Variants in ROBO1 observed in about 807,000 individuals in gnomAD.
ROBO1 encodes roundabout homolog 1.
ROBO1 carries 149 observed loss-of-function variants against 195.9 expected under a neutral mutation model. The observed-to-expected ratio is 0.76, with a 90% confidence interval of 0.67 to 0.87. The LOEUF (loss-of-function observed/expected upper bound fraction) is 0.87, where lower values mean the gene tolerates loss of function less well. ROBO1 is among the 40% of genes least tolerant of loss of function. ROBO1 has a pLI of 0.00. For missense variants in ROBO1, 1,933 were observed against 2,068.3 expected, an observed-to-expected ratio of 0.93 and a Z score of 1.27; for synonymous variants, 816 against 733.2, an observed-to-expected ratio of 1.11 and a Z score of -1.82.
intron 2 of ROBO1, among the ~76,000 whole-genome samples, chr3:79,375,173 C>A (rs148165574): frequency 3.9e-5 from 6 of 152,240 alleles, no homozygotes; most frequent in African/African-American, 1.4e-4. Context: ...GGAAAGATGC[C>A]TCTTATTTGG....
intron 3 of ROBO1, among the ~76,000 whole-genome samples, chr3:79,000,104 G>A (rs1261894603): frequency 6.6e-6 from 1 of 152,090 alleles, no homozygotes; most frequent in Non-Finnish European, 1.5e-5. Context: ...ATAAAGGAAA[G>A]AGGTTTAATG....
chr3:79,217,092 G>T (rs2082068387), intron 2 of ROBO1, among the ~76,000 whole-genome samples: 1 of 152,064 alleles, frequency 6.6e-6, no homozygotes, highest in African/African-American at 2.4e-5. Context: ...TCTGTGAATA[G>T]TCTGATTAAC....
At chr3:79,444,026 T>C (rs2039150417) in intron 2 of ROBO1, among the ~76,000 whole-genome samples, 1 of 152,024 alleles carries the variant, frequency 6.6e-6, no homozygotes, top group East Asian at 1.9e-4. Context: ...CAAAAATTTA[T>C]TTGACAGATT....
At chr3:78,657,932 C>A (rs939568649) in intron 17 of ROBO1, among the ~76,000 whole-genome samples, 39 of 152,224 alleles carry the variant, frequency 2.6e-4, no homozygotes, top group African/African-American at 9.4e-4. Flanking sequence ...CTCTGGTACA[C>A]TGAACTATAT....
intron 2 of ROBO1, among the ~76,000 whole-genome samples, chr3:79,295,498 G>T (rs1441059747): frequency 2.6e-5 from 4 of 152,078 alleles, no homozygotes; most frequent in Non-Finnish European, 5.9e-5. Flanking sequence ...CCTAAGGTAG[G>T]TGACGGGTTG....
At chr3:78,686,028 TAC>T in intron 9 of ROBO1, 111 bp from the exon 10 acceptor site, 3 of 862,678 alleles carry the variant, frequency 3.5e-6, no homozygotes, top group Non-Finnish European at 3.5e-6. Flanking sequence ...AAAGTATTCA[TAC>T]ACATATGCAT....
intron 3 of ROBO1, among the ~76,000 whole-genome samples, chr3:79,014,723 A>T (rs559804104): frequency 1.1e-3 from 171 of 152,274 alleles, no homozygotes; most frequent in African/African-American, 3.9e-3. Context: ...AAATTGAATG[A>T]TAACTTTGCT....
Position 78,928,553 on chromosome 3 carries a change from G to C in ROBO1, c.499+10048C>G, listed in dbSNP as rs139670115. On this transcript the variant is annotated intron_variant, in intron 4 of 30. Coordinates refer to ENST00000464233, the MANE Select transcript of ROBO1 (RefSeq NM_002941.4). ...GCTACTTTGCGTGATTTAAGCAAAA[G>C]TGACAAGCAGAGAGAAAAGCAAATA... 1.5e-3 allele frequency among the ~76,000 whole-genome samples: 223 copies of C among 152,288 alleles called. 4 individuals are homozygous for C. In the East Asian group the frequency reaches 0.034, roughly 23 times the overall value.
At chr3:79,410,322 G>A (rs2037715646) in intron 2 of ROBO1, among the ~76,000 whole-genome samples, 1 of 152,162 alleles carries the variant, frequency 6.6e-6, no homozygotes, top group Admixed American at 6.6e-5. Flanking sequence ...CAAGCACAAT[G>A]TGTGGGATAA....
chr3:79,381,380 AAAG>A (rs2036572007), intron 2 of ROBO1, among the ~76,000 whole-genome samples: 8 of 79,776 alleles, frequency 1.0e-4, no homozygotes, highest in South Asian at 3.7e-4. Flanking sequence ...AAAAAAAAGA[AAAG>A]AAAAGAAAAG....
intron 3 of ROBO1, among the ~76,000 whole-genome samples, chr3:78,984,005 T>C (rs1040950224): frequency 6.6e-6 from 1 of 152,200 alleles, no homozygotes; most frequent in East Asian, 1.9e-4. Flanking sequence ...TTCATGCTAT[T>C]CATGCATATT....
chr3:79,310,075 T>C (rs2033407901), intron 2 of ROBO1, among the ~76,000 whole-genome samples: 1 of 152,188 alleles, frequency 6.6e-6, no homozygotes. Context: ...ACAGGCCTTG[T>C]CTTAGGCCCT....
At chr3:79,481,745 G>C (rs1204522170) in intron 2 of ROBO1, among the ~76,000 whole-genome samples, 2 of 152,088 alleles carry the variant, frequency 1.3e-5, no homozygotes, top group African/African-American at 4.8e-5. Context: ...CTTGGACCTT[G>C]CTTTTAATCT....
intron 1 of ROBO1, among the ~76,000 whole-genome samples, chr3:79,766,999 C>A (rs1270937207): frequency 6.6e-6 from 1 of 152,094 alleles, no homozygotes; most frequent in Admixed American, 6.5e-5. Flanking sequence ...CCCTCAAAGT[C>A]CCCGCTGGCT....
rs531500108 is a variant in ROBO1, at chr3:78,708,794, T to C, written c.1045+5603A>G. 3.9e-5 allele frequency among the ~76,000 whole-genome samples: 6 copies of C among 152,286 alleles called. No individual in the cohort carries two copies. The East Asian group carries it at 1.2e-3, about 29-fold the overall frequency. On this transcript the variant is annotated intron_variant, in intron 8 of 30. Coordinates refer to ENST00000464233, the MANE Select transcript of ROBO1 (RefSeq NM_002941.4). Reference sequence around the variant, plus strand: ...AAATTGTTACAAATACTGTATGTAGTATATATCTTTTTGTCTTAAAAGATG... The same window carrying C: ...AAATTGTTACAAATACTGTATGTAGCATATATCTTTTTGTCTTAAAAGATG...
At chr3:78,902,876 C>A (rs1243038793) in intron 4 of ROBO1, among the ~76,000 whole-genome samples, 2 of 152,074 alleles carry the variant, frequency 1.3e-5, no homozygotes, top group African/African-American at 4.8e-5. Flanking sequence ...TAAACATATT[C>A]ATTGGCACTG....
chr3:78,917,959 G>A (rs187406496), intron 4 of ROBO1, among the ~76,000 whole-genome samples: 16 of 152,208 alleles, frequency 1.1e-4, no homozygotes, highest in East Asian at 5.8e-4. Flanking sequence ...AAGCTACTAC[G>A]ACACAGAACC....
intron 1 of ROBO1, among the ~76,000 whole-genome samples, chr3:79,615,213 C>G (rs1464558918): frequency 2.6e-5 from 4 of 152,142 alleles, no homozygotes; most frequent in African/African-American, 9.7e-5. Flanking sequence ...CATAATAAAC[C>G]TTTGCTCTCC....
At chr3:79,533,730 C>G (rs182134726) in intron 2 of ROBO1, among the ~76,000 whole-genome samples, 6 of 152,120 alleles carry the variant, frequency 3.9e-5, no homozygotes, top group African/African-American at 1.4e-4. Flanking sequence ...TTTACAAGCT[C>G]TTTTGAAATG....
Sources: allele counts gnomAD v4.1 joint callset (sites outside exome capture counted in the v4.1 genomes callset), GRCh38; gene constraint gnomAD v4.1.1; transcripts MANE v1.5; gene names NCBI Gene and HGNC (gene_info 2026-07-23, HGNC 2026-07-21).